HEPN1: variants seen among roughly 807,000 people sequenced by gnomAD.
HEPN1 encodes protein HEPN1.
For missense variants in HEPN1, 97 were observed against 103.3 expected, an observed-to-expected ratio of 0.94 and a Z score of 0.26; for synonymous variants, 46 against 41.2, an observed-to-expected ratio of 1.12 and a Z score of -0.45.
downstream of HEPN1, chr11:124,920,677 GCAAAAAAAAAAAAAAA>G (rs1947118365): frequency 9.3e-6 from 1 of 107,840 alleles, no homozygotes; most frequent in Non-Finnish European, 1.2e-5. Context: ...ATCTGAACTT[GCAAAAAAAAAAAAAAA>G]AAAAAAAAAA....
At chr11:124,919,793 G>A (rs780179144) in exon 1 of HEPN1, 23 of 1,614,124 alleles carry the variant, frequency 1.4e-5, no homozygotes, top group Middle Eastern at 3.3e-4. Context: ...GGTTGATGGC[G>A]AATCAGAGCT....
exon 1 of HEPN1, chr11:124,919,803 T>C: frequency 1.2e-6 from 2 of 1,614,136 alleles, no homozygotes; most frequent in Non-Finnish European, 1.7e-6. Flanking sequence ...GAATCAGAGC[T>C]GGAGTTTAGG....
chr11:124,919,260 G>A (rs1947090406), exon 1 of HEPN1: 1 of 155,714 alleles, frequency 6.4e-6, no homozygotes, highest in Admixed American at 6.4e-5. Flanking sequence ...TTCATCAAAA[G>A]TTTATTGAGC....
At chr11:124,919,919 G>T in exon 1 of HEPN1, 8 of 1,614,102 alleles carry the variant, frequency 5.0e-6, no homozygotes, top group Non-Finnish European at 6.8e-6. Flanking sequence ...TCCTCACACA[G>T]TAGATTACTG....
chr11:124,920,005 G>A, exon 1 of HEPN1: 1 of 1,612,758 alleles, frequency 6.2e-7, no homozygotes, highest in South Asian at 1.1e-5. Flanking sequence ...TCTTTATTTT[G>A]ATGTTAGTGT....
chr11:124,919,806 A>T lies in HEPN1; in HGVS notation c.56A>T (p.Glu19Val), dbSNP rs539370875. Residue 19 changes from glutamate to valine, a missense_variant, in exon 1 of 1, where the codon GAG (glutamate) becomes GTG (valine). Coordinates refer to ENST00000408930, the Ensembl canonical transcript of HEPN1. Reference sequence around the variant, plus strand: ...TGGGTTGATGGCGAATCAGAGCTGGAGTTTAGGAGACTAGGGATGCAAGGA... The same window carrying T: ...TGGGTTGATGGCGAATCAGAGCTGGTGTTTAGGAGACTAGGGATGCAAGGA... 11 of 1,614,160 alleles carry T rather than the reference A, an allele frequency of 6.8e-6. No individual in the cohort carries two copies. In the East Asian group the frequency reaches 2.0e-4, roughly 29 times the overall value.
chr11:124,920,374 A>C, exon 1 of HEPN1: 1 of 1,545,300 alleles, frequency 6.5e-7, no homozygotes, highest in South Asian at 1.2e-5. Context: ...TTTATTCATG[A>C]ACAGAGACAG....
At chr11:124,920,010 T>TA in the HEPN1 span, 1 of 1,612,544 alleles carries the variant, frequency 6.2e-7, no homozygotes, top group Non-Finnish European at 8.5e-7. Context: ...ATTTTGATGT[T>TA]AGTGTGATTA....
exon 1 of HEPN1, chr11:124,920,658 G>A (rs1947117097): frequency 1.8e-6 from 1 of 564,468 alleles, no homozygotes; most frequent in African/African-American, 2.7e-5. Flanking sequence ...TGGGAAAGTG[G>A]CCTCTCTAAT....
At chr11:124,920,508 C>T in exon 1 of HEPN1, 7 of 1,472,468 alleles carry the variant, frequency 4.8e-6, no homozygotes, top group Non-Finnish European at 6.4e-6. Flanking sequence ...TCGTACCCTT[C>T]CCTCACCACC....
At chr11:124,919,854 G>C (rs1409495534) in exon 1 of HEPN1, 1 of 1,614,146 alleles carries the variant, frequency 6.2e-7, no homozygotes, top group Non-Finnish European at 8.5e-7. Context: ...TTAAGGAGGA[G>C]GGAATGGAAT....
exon 1 of HEPN1, chr11:124,919,894 T>C: frequency 1.9e-6 from 3 of 1,614,178 alleles, no homozygotes; most frequent in Non-Finnish European, 2.5e-6. Context: ...CTTTCAGCTT[T>C]TTAATTGCCC....
chr11:124,919,651 G>T lies in HEPN1; in HGVS notation c.-100G>T, dbSNP rs1415677241. ...GCCTGGGGAAGTGCCGAGGGACAGGGAGCTGAGACAGGCATGCTGTGGGGT... is the reference window on the plus strand; with the variant it reads ...GCCTGGGGAAGTGCCGAGGGACAGGTAGCTGAGACAGGCATGCTGTGGGGT... On this transcript the variant is annotated 5_prime_UTR_variant, in exon 1 of 1. The change creates a premature stop within an existing upstream ORF in the 5' untranslated region. Coordinates refer to ENST00000408930, the Ensembl canonical transcript of HEPN1. 1 of 1,367,958 alleles carries T rather than the reference G, an allele frequency of 7.3e-7. No homozygotes were observed. Among genetic ancestry groups the T allele is most frequent in the Non-Finnish European group, 1.0e-6 (1 of 996,472 alleles). The allele number at this position is 1,367,958 out of a possible 1,614,324, so 84.7% of individuals were successfully genotyped here. A position where few individuals can be genotyped will look rare whatever the true frequency, so the allele number is the denominator to read the frequency against.
chr11:124,920,524 G>C (rs1374028649), exon 1 of HEPN1: 1 of 1,438,574 alleles, frequency 7.0e-7, no homozygotes, highest in Non-Finnish European at 9.3e-7. Flanking sequence ...CCACCTTGTA[G>C]GTCCCCAGGT....
At chr11:124,920,387 A>G (rs1947111200) in exon 1 of HEPN1, 32 of 1,548,222 alleles carry the variant, frequency 2.1e-5, no homozygotes, top group Non-Finnish European at 2.7e-5. Context: ...AGAGACAGAA[A>G]GAGTGCTTGG....
At position 124,919,593 on chromosome 11, in the gene HEPN1, AG is replaced by A; in HGVS notation, c.-154del. On this transcript the variant is annotated 5_prime_UTR_variant, in exon 1 of 1. It removes the in-frame stop codon of an upstream open reading frame in the 5' UTR. Transcript: ENST00000408930. ...TATGGATGAGGCACCTGGGAAGTTTAGGGGAGCTGCGAAGGCACACCTGCTC... is the reference window on the plus strand; with the variant it reads ...TATGGATGAGGCACCTGGGAAGTTTAGGGAGCTGCGAAGGCACACCTGCTC... 1 of 738,664 alleles carries A rather than the reference AG, an allele frequency of 1.4e-6. No individual in the cohort carries two copies. Among genetic ancestry groups the A allele is most frequent in the Non-Finnish European group, 2.2e-6 (1 of 459,486 alleles). The allele number at this position is 738,664 out of a possible 1,614,324, so 45.8% of individuals were successfully genotyped here.
At chr11:124,919,878 C>T (rs1947100677) in exon 1 of HEPN1, 1 of 1,614,144 alleles carries the variant, frequency 6.2e-7, no homozygotes, top group Non-Finnish European at 8.5e-7. Context: ...CAGAGGGCCT[C>T]CTTCTCTTTC....
chr11:124,920,641 T>C, exon 1 of HEPN1: 1 of 1,002,236 alleles, frequency 1.0e-6, no homozygotes. Context: ...AGTGCAGCTG[T>C]GGATTCTGGG....
exon 1 of HEPN1, chr11:124,919,898 A>G: frequency 6.2e-7 from 1 of 1,614,092 alleles, no homozygotes; most frequent in Non-Finnish European, 8.5e-7. Context: ...CAGCTTTTTA[A>G]TTGCCCTCTC....
Sources: gnomAD v4.1 joint callset for allele counts on GRCh38, gnomAD v4.1.1 for gene constraint, MANE v1.5 for transcripts, NCBI Gene and HGNC (gene_info 2026-07-23, HGNC 2026-07-21) for gene names.